Variants in ZNF341 observed in about 807,000 individuals in gnomAD.
ZNF341 encodes zinc finger protein 341.
Under a neutral mutation model 87.7 loss-of-function variants are expected in ZNF341, and 52 were observed. That is an observed-to-expected ratio of 0.59 (90% CI 0.47 to 0.75). The LOEUF (loss-of-function observed/expected upper bound fraction) is 0.75, where lower values mean the gene tolerates loss of function less well. ZNF341 is among the 30% of genes least tolerant of loss of function. The pLI is 0.00. For missense variants in ZNF341, 977 were observed against 1,145.9 expected, an observed-to-expected ratio of 0.85 and a Z score of 2.13; for synonymous variants, 459 against 472.7, an observed-to-expected ratio of 0.97 and a Z score of 0.38.
At chr20:33,734,512 A>C (rs1601225183) in intron 1 of ZNF341, among the ~76,000 whole-genome samples, 1 of 152,122 alleles carries the variant, frequency 6.6e-6, no homozygotes, top group East Asian at 1.9e-4. Flanking sequence ...TGTATTGGGG[A>C]GACAGAATAG....
chr20:33,789,219 ATT>A (rs1469403678), intron 13 of ZNF341, among the ~76,000 whole-genome samples: 1 of 151,450 alleles, frequency 6.6e-6, no homozygotes, highest in African/African-American at 2.4e-5. Context: ...GAGATTACAG[ATT>A]TAGTAGAGAT....
At chr20:33,736,452 T>A (rs1568930668) in intron 1 of ZNF341, among the ~76,000 whole-genome samples, 2 of 152,168 alleles carry the variant, frequency 1.3e-5, no homozygotes, top group African/African-American at 4.8e-5. Context: ...CTAAACTGTC[T>A]TTGTAAAGCT....
In ZNF341 at chr20:33,762,032, G is replaced by A. The variant is rs767590915; in HGVS notation, c.1199G>A (p.Arg400Lys). The A allele has an allele frequency of 8.9e-6, 14 of 1,569,078 alleles. No homozygotes were observed. The highest frequency in any genetic ancestry group is 1.1e-5 in the Non-Finnish European group (13 of 1,147,318). Residue 400 changes from arginine to lysine, a missense_variant, in exon 8 of 15, where the codon AGG (arginine) becomes AAG (lysine). Arg to Lys is a conservative substitution (Grantham distance 26). Around this residue, in one of 3 missense-constraint regions of ZNF341, gnomAD observed 515 missense variants for 598.2 expected, o/e 0.86. Coordinates refer to ENST00000375200, the MANE Select transcript of ZNF341 (RefSeq NM_001282933.2). ...TVQVMALNPS[R>K]QEDEESTGLG... ...CAGGTCATGGCCCTGAACCCCAGCA[G>A]GCAGGAGGACGAGGAAAGCACAGGT...
Position 33,791,542 on chromosome 20 carries a change from G to A in ZNF341, c.*25G>A. The stretch of plus-strand genomic sequence containing the variant: ...ACGGACCTGAGGTGTCTGTTTCCTG[G>A]GCAGGCCTGATGCTCCTGTTTGGGT... On this transcript the variant is annotated 3_prime_UTR_variant, in exon 15 of 15. Transcript: ENST00000375200. The A allele has an allele frequency of 6.6e-7, 1 of 1,521,332 alleles. No homozygotes were observed. The highest frequency in any genetic ancestry group is 8.8e-7 in the Non-Finnish European group (1 of 1,137,864). The allele number at this position is 1,521,332 out of a possible 1,614,324, so 94.2% of individuals were successfully genotyped here. A position where few individuals can be genotyped will look rare whatever the true frequency, so the allele number is the denominator to read the frequency against.
intron 8 of ZNF341, among the ~76,000 whole-genome samples, chr20:33,765,124 G>C (rs1030987068): frequency 4.6e-5 from 7 of 151,958 alleles, no homozygotes; most frequent in African/African-American, 1.7e-4. Flanking sequence ...CATCATGCCT[G>C]GTGCCACATT....
intron 4 of ZNF341, chr20:33,752,523 A>C (rs1254908297): frequency 6.4e-6 from 3 of 466,058 alleles, no homozygotes; most frequent in African/African-American, 2.0e-5. Flanking sequence ...TCTTCTCGCC[A>C]CCCTTCTTTC....
At chr20:33,762,659 A>G (rs962969952) in intron 8 of ZNF341, among the ~76,000 whole-genome samples, 1 of 151,834 alleles carries the variant, frequency 6.6e-6, no homozygotes, top group Non-Finnish European at 1.5e-5. Flanking sequence ...TGCATTCGGT[A>G]TTTGTCCTAA....
At chr20:33,735,119 C>T (rs2018651676) in intron 1 of ZNF341, among the ~76,000 whole-genome samples, 2 of 152,170 alleles carry the variant, frequency 1.3e-5, no homozygotes, top group Admixed American at 1.3e-4. Context: ...CAACCTCTGC[C>T]TCCCAGGTTC....
intron 14 of ZNF341, 77 bp downstream of exon 14, chr20:33,789,665 G>C: frequency 6.7e-7 from 1 of 1,494,568 alleles, no homozygotes; most frequent in South Asian, 1.1e-5. Flanking sequence ...GGAAGAGAAA[G>C]AGCAGACATA....
chr20:33,738,464 A>G (rs749307155), intron 1 of ZNF341, among the ~76,000 whole-genome samples: 18 of 152,194 alleles, frequency 1.2e-4, no homozygotes, highest in Non-Finnish European at 2.6e-4. Flanking sequence ...AAGGGCTATT[A>G]TCATTTAAAC....
intron 10 of ZNF341, among the ~76,000 whole-genome samples, chr20:33,770,936 C>T (rs1014209981): frequency 3.9e-5 from 6 of 151,916 alleles, no homozygotes; most frequent in East Asian, 3.9e-4. Flanking sequence ...CTGGCTAACA[C>T]GGTGAAACCC....
intron 8 of ZNF341, among the ~76,000 whole-genome samples, chr20:33,765,527 T>G (rs531794156): frequency 1.6e-4 from 24 of 151,846 alleles, no homozygotes; most frequent in African/African-American, 5.6e-4. Flanking sequence ...CACCGACACA[T>G]GCAACCATGC....
intron 13 of ZNF341, among the ~76,000 whole-genome samples, 153 bp from the exon 14 acceptor site, chr20:33,789,365 T>C (rs1396887539): frequency 1.3e-5 from 2 of 152,082 alleles, no homozygotes; most frequent in Non-Finnish European, 1.5e-5. Context: ...TTTTATCCTG[T>C]CCTGGGCCCT....
At chr20:33,761,213 T>A (rs1176627052) in intron 7 of ZNF341, among the ~76,000 whole-genome samples, 1 of 152,170 alleles carries the variant, frequency 6.6e-6, no homozygotes, top group Non-Finnish European at 1.5e-5. Flanking sequence ...GTGGTACAAG[T>A]GCTGTGCTGT....
rs755111972 is a variant in ZNF341 at position 33,748,924 on chromosome 20, T to A, written c.341T>A (p.Ile114Asn). 7 of 1,612,412 alleles carry A rather than the reference T, an allele frequency of 4.3e-6. No homozygotes were observed. Among genetic ancestry groups the A allele is most frequent in the Non-Finnish European group, 5.9e-6 (7 of 1,178,884 alleles). Residue 114 changes from isoleucine (I) to asparagine (N), a missense_variant and splice_region_variant, in exon 4 of 15, where the codon ATC becomes AAC. Around this residue, in one of 3 missense-constraint regions of ZNF341, gnomAD observed 515 missense variants for 598.2 expected, o/e 0.86. Transcript: ENST00000375200. The part of the protein sequence containing the change: ...QQAPTPANRQ[I>N]STYITVPPSP... The stretch of plus-strand genomic sequence containing the variant: ...CATTCTCTCTCTCCCACTGTCCAGA[T>A]CTCCACATACATCACAGTGCCCCCG...
intron 13 of ZNF341, 87 bp downstream of exon 13, chr20:33,789,061 C>T: frequency 9.8e-7 from 1 of 1,021,766 alleles, no homozygotes; most frequent in Non-Finnish European, 1.4e-6. Context: ...GATGTCAGGC[C>T]TGAGGGCAGG....
intron 2 of ZNF341, among the ~76,000 whole-genome samples, chr20:33,741,567 C>T (rs2018804317): frequency 6.6e-6 from 1 of 152,060 alleles, no homozygotes; most frequent in Admixed American, 6.6e-5. Context: ...CCACGCCTGG[C>T]TAATTTTTTG....
intron 9 of ZNF341, among the ~76,000 whole-genome samples, 159 bp from the exon 10 acceptor site, chr20:33,769,925 G>T (rs1047412214): frequency 6.6e-6 from 1 of 152,010 alleles, no homozygotes; most frequent in South Asian, 2.1e-4. Context: ...ATGAATGAAT[G>T]AATGAATAAA....
intron 1 of ZNF341, among the ~76,000 whole-genome samples, chr20:33,740,443 C>G (rs952126314): frequency 6.6e-6 from 1 of 152,132 alleles, no homozygotes; most frequent in Non-Finnish European, 1.5e-5. Flanking sequence ...CTTGGGCTCT[C>G]TCACAATGGA....
Sources: gnomAD v4.1 joint callset for allele counts (sites outside exome capture counted in the v4.1 genomes callset) on GRCh38, gnomAD v4.1.1 for gene constraint, gnomAD v4.1.1 regional missense constraint, MANE v1.5 for transcripts, NCBI Gene and HGNC (gene_info 2026-07-23, HGNC 2026-07-21) for gene names.